The following MSRA variants were observed in gnomAD, a reference collection of about 807,000 sequenced individuals.
The protein encoded by MSRA is mitochondrial peptide methionine sulfoxide reductase.
In MSRA, 54 loss-of-function variants were observed where a neutral mutation model predicts 31.3. The ratio of observed to expected loss-of-function variants is 1.73; its 90% CI spans 1.39 to 2.17. The LOEUF (loss-of-function observed/expected upper bound fraction) is 2.17. MSRA is among the 30% of genes most tolerant of loss of function. The pLI, the probability that MSRA is intolerant of heterozygous loss-of-function variation, is 0.00. For missense variants in MSRA, 507 were observed against 300.9 expected, an observed-to-expected ratio of 1.69 and a Z score of -5.07; for synonymous variants, 169 against 116.5, an observed-to-expected ratio of 1.45 and a Z score of -2.90.
intron 4 of MSRA, among the ~76,000 whole-genome samples, chr8:10,306,331 T>C (rs1801137543): frequency 6.6e-6 from 1 of 152,210 alleles, no homozygotes; most frequent in Non-Finnish European, 1.5e-5. Context: ...GAAAATGGTA[T>C]AGGTGCCATG....
At chr8:10,158,367 A>G (rs577205844) in intron 1 of MSRA, among the ~76,000 whole-genome samples, 12 of 152,220 alleles carry the variant, frequency 7.9e-5, no homozygotes, top group Non-Finnish European at 1.8e-4. Flanking sequence ...GTCAGCAGAC[A>G]TTCCTCACTT....
intron 1 of MSRA, among the ~76,000 whole-genome samples, chr8:10,089,341 A>G (rs1378729701): frequency 6.6e-6 from 1 of 152,206 alleles, no homozygotes; most frequent in Non-Finnish European, 1.5e-5. Flanking sequence ...CTCCTTTTGT[A>G]TTTCCCTTTT....
At chr8:10,119,531 A>G (rs1474741946) in intron 1 of MSRA, among the ~76,000 whole-genome samples, 2 of 152,300 alleles carry the variant, frequency 1.3e-5, no homozygotes, top group African/African-American at 2.4e-5. Context: ...TTCTGTGTGT[A>G]TTTGGTTCGC....
At chr8:10,123,171 C>T (rs370149998) in intron 1 of MSRA, among the ~76,000 whole-genome samples, 2 of 152,260 alleles carry the variant, frequency 1.3e-5, no homozygotes, top group African/African-American at 4.8e-5. Context: ...CTTCTCTTCA[C>T]AATCTCACCA....
chr8:10,115,831 A>T (rs989232563), intron 1 of MSRA, among the ~76,000 whole-genome samples: 4 of 152,256 alleles, frequency 2.6e-5, no homozygotes. Flanking sequence ...TCCACACTCA[A>T]TGACTGTTTA....
chr8:10,393,953 C>T (rs1038276789), intron 5 of MSRA, among the ~76,000 whole-genome samples: 1 of 152,190 alleles, frequency 6.6e-6, no homozygotes, highest in Non-Finnish European at 1.5e-5. Flanking sequence ...GATCACACAG[C>T]CATCCCCCAG....
intron 5 of MSRA, among the ~76,000 whole-genome samples, chr8:10,398,274 G>T (rs1807226932): frequency 6.6e-6 from 1 of 152,188 alleles, no homozygotes; most frequent in Admixed American, 6.5e-5. Flanking sequence ...AGAGACATCT[G>T]ATTTGGGGGA....
intron 5 of MSRA, among the ~76,000 whole-genome samples, chr8:10,396,024 C>T (rs1807075408): frequency 6.6e-6 from 1 of 152,150 alleles, no homozygotes; most frequent in African/African-American, 2.4e-5. Flanking sequence ...GTTGGAATTG[C>T]CCATCTCTAA....
At chr8:10,217,294 G>A (rs982030603) in intron 2 of MSRA, among the ~76,000 whole-genome samples, 1 of 152,206 alleles carries the variant, frequency 6.6e-6, no homozygotes, top group African/African-American at 2.4e-5. Flanking sequence ...CGGCGCGCAA[G>A]TCTCGTGGCT....
intron 2 of MSRA, among the ~76,000 whole-genome samples, chr8:10,213,669 C>G (rs967444831): frequency 1.3e-5 from 2 of 151,906 alleles, no homozygotes; most frequent in Non-Finnish European, 2.9e-5. Flanking sequence ...ATCTCCTGAC[C>G]TCGTGATCTG....
At chr8:10,337,593 C>G in intron 5 of MSRA, 2 of 652,018 alleles carry the variant, frequency 3.1e-6, no homozygotes, top group Non-Finnish European at 2.8e-6. Context: ...CTCTCTGTCT[C>G]TGGAAGTTGG....
chr8:10,308,401 C>T (rs990329388), intron 4 of MSRA, among the ~76,000 whole-genome samples: 8 of 152,170 alleles, frequency 5.3e-5, no homozygotes, highest in South Asian at 2.1e-4. Context: ...ACTCGCTGTG[C>T]GGACAGGCCT....
At chr8:10,358,007 C>T (rs1395719957) in intron 5 of MSRA, among the ~76,000 whole-genome samples, 1 of 152,226 alleles carries the variant, frequency 6.6e-6, no homozygotes, top group Non-Finnish European at 1.5e-5. Flanking sequence ...ACTGCAACCT[C>T]TGCTTCCTGG....
At chr8:10,348,058 C>T (rs979714240) in intron 5 of MSRA, among the ~76,000 whole-genome samples, 12 of 152,192 alleles carry the variant, frequency 7.9e-5, no homozygotes, top group African/African-American at 2.2e-4. Context: ...CTGGTCATTG[C>T]ATCTAGAATA....
intron 3 of MSRA, among the ~76,000 whole-genome samples, chr8:10,299,520 G>C (rs1039322530): frequency 2.6e-5 from 4 of 151,786 alleles, no homozygotes; most frequent in African/African-American, 7.3e-5. Flanking sequence ...AATGACTATA[G>C]TATTTGAATT....
rs140302141 is a variant in MSRA at position 10,266,231 on chromosome 8, T to A, written c.331+21008T>A. Among the ~76,000 whole-genome samples, 158 of 152,374 alleles carry A rather than the reference T, an allele frequency of 1.0e-3. 1 individual carries two copies. The highest frequency in any genetic ancestry group is 3.4e-3 in the Middle Eastern group (1 of 294). On this transcript the variant is annotated intron_variant, in intron 3 of 5. Coordinates refer to ENST00000317173, the MANE Select transcript of MSRA (RefSeq NM_012331.5). ...CATCAGCAGTGTACGAGGGTTCCAG[T>A]TTCTTCACTTGCTCATTAGCAGTTG...
chr8:10,163,025 C>T (rs7007046), intron 1 of MSRA, among the ~76,000 whole-genome samples: 42,555 of 151,884 alleles, frequency 0.28, 6,937 homozygotes, highest in East Asian at 0.48. Context: ...TGATTTGTTA[C>T]GAGAGTGCGA....
At chr8:10,369,814 A>G (rs1248966288) in intron 5 of MSRA, among the ~76,000 whole-genome samples, 1 of 152,224 alleles carries the variant, frequency 6.6e-6, no homozygotes, top group Non-Finnish European at 1.5e-5. Flanking sequence ...AAGCAAAAAT[A>G]CATATGAGAA....
At chr8:10,091,924 T>G (rs1468308733) in intron 1 of MSRA, among the ~76,000 whole-genome samples, 1 of 152,042 alleles carries the variant, frequency 6.6e-6, no homozygotes, top group Non-Finnish European at 1.5e-5. Flanking sequence ...CTATTTTTAA[T>G]TTTTGAGGAA....
Sources: allele counts gnomAD v4.1 joint callset (sites outside exome capture counted in the v4.1 genomes callset), GRCh38; gene constraint gnomAD v4.1.1; transcripts MANE v1.5; gene names NCBI Gene and HGNC (gene_info 2026-07-23, HGNC 2026-07-21).